FAM163A: variants seen among roughly 807,000 people sequenced by gnomAD.
FAM163A encodes protein FAM163A.
In FAM163A, 7 loss-of-function variants were observed where a neutral mutation model predicts 12.0. The ratio of observed to expected loss-of-function variants is 0.58; its 90% CI spans 0.33 to 1.10. The LOEUF (loss-of-function observed/expected upper bound fraction) is 1.10. Among genes scored for constraint, FAM163A ranks in the 50% least tolerant of loss-of-function variants. The pLI is 0.03. For synonymous variants in FAM163A, 101 were observed against 91.0 expected (o/e 1.11, Z -0.62); for missense variants, 202 against 218.6 (o/e 0.92, Z 0.48).
the FAM163A span, among the ~76,000 whole-genome samples, chr1:179,736,699 A>G: frequency 6.6e-6 from 1 of 152,082 alleles, no homozygotes; most frequent in African/African-American, 2.4e-5. Context: ...AATCCCAGCT[A>G]CTTGGGAGGC....
intron 1 of FAM163A, among the ~76,000 whole-genome samples, chr1:179,761,217 A>G (rs1379419032): frequency 6.6e-6 from 1 of 152,250 alleles, no homozygotes; most frequent in Non-Finnish European, 1.5e-5. Flanking sequence ...AGCTATGCTT[A>G]TCTCCAAGTG....
chr1:179,733,838 A>G, the FAM163A span, among the ~76,000 whole-genome samples: 2 of 152,228 alleles, frequency 1.3e-5, no homozygotes, highest in African/African-American at 2.4e-5. Context: ...AAGGGGTGAC[A>G]TGATGATGCT....
At position 179,814,471 on chromosome 1, in the gene FAM163A, A is replaced by G. The variant is rs1695128721; in HGVS notation, c.*282A>G. ...ACACTCCTCTGGCAGCCCCAGCACC[A>G]CCACAACCCCTTGCAGTGTGCCCCA... On this transcript the variant is annotated 3_prime_UTR_variant, in exon 5 of 5. Coordinates refer to ENST00000341785, the MANE Select transcript of FAM163A (RefSeq NM_173509.3). The G allele has an allele frequency of 2.3e-6, 1 of 439,080 alleles. No homozygotes were observed. Among genetic ancestry groups the G allele is most frequent in the African/African-American group, 2.0e-5 (1 of 49,052 alleles). 27.2% of individuals were successfully genotyped at this position (439,080 alleles called of 1,614,324 possible).
At chr1:179,783,702 G>A (rs1690122197) in intron 1 of FAM163A, among the ~76,000 whole-genome samples, 1 of 112,318 alleles carries the variant, frequency 8.9e-6, no homozygotes, top group Non-Finnish European at 2.0e-5. Flanking sequence ...CACACACTTG[G>A]CACTTTTTTA....
chr1:179,805,373 C>T (rs1400804122), intron 1 of FAM163A, among the ~76,000 whole-genome samples: 1 of 152,010 alleles, frequency 6.6e-6, no homozygotes, highest in African/African-American at 2.4e-5. Flanking sequence ...CAAAAATTAG[C>T]CGGGGGTGGT....
intron 1 of FAM163A, among the ~76,000 whole-genome samples, chr1:179,783,083 C>T (rs894102827): frequency 2.0e-5 from 3 of 150,244 alleles, no homozygotes; most frequent in African/African-American, 4.9e-5. Flanking sequence ...GAGCCGAGAT[C>T]GTGCCATTGC....
At chr1:179,757,238 G>A (rs1465633426) in intron 1 of FAM163A, among the ~76,000 whole-genome samples, 4 of 152,140 alleles carry the variant, frequency 2.6e-5, no homozygotes, top group East Asian at 1.9e-4. Context: ...TCCTTGGACC[G>A]AAAGGTAGAG....
chr1:179,804,296 G>C (rs1693612376), intron 1 of FAM163A, among the ~76,000 whole-genome samples: 2 of 152,164 alleles, frequency 1.3e-5, no homozygotes, highest in African/African-American at 4.8e-5. Context: ...CCCTACTTCA[G>C]GGGACACCCT....
intron 1 of FAM163A, among the ~76,000 whole-genome samples, chr1:179,744,496 C>T (rs570829392): frequency 1.3e-3 from 200 of 152,254 alleles, no homozygotes; most frequent in African/African-American, 4.6e-3. Context: ...TCTGCGGCTC[C>T]GAAGGCCGCG....
intron 1 of FAM163A, among the ~76,000 whole-genome samples, chr1:179,746,752 G>A (rs1684517835): frequency 6.6e-6 from 1 of 152,104 alleles, no homozygotes; most frequent in African/African-American, 2.4e-5. Flanking sequence ...AACATTGTGG[G>A]GTGACGTACC....
intron 1 of FAM163A, among the ~76,000 whole-genome samples, chr1:179,755,546 G>C (rs1294398401): frequency 6.6e-6 from 1 of 152,196 alleles, no homozygotes; most frequent in Non-Finnish European, 1.5e-5. Context: ...GTTGGCAGTG[G>C]GATCGGGGTT....
chr1:179,756,569 G>A (rs753440574), intron 1 of FAM163A, among the ~76,000 whole-genome samples: 20 of 152,288 alleles, frequency 1.3e-4, no homozygotes, highest in Middle Eastern at 3.4e-3. Context: ...TGATTTGGAG[G>A]TTCCTTTGGG....
At chr1:179,768,754 C>T (rs951674792) in intron 1 of FAM163A, among the ~76,000 whole-genome samples, 3 of 151,936 alleles carry the variant, frequency 2.0e-5, no homozygotes, top group Non-Finnish European at 4.4e-5. Flanking sequence ...TACAAGTGCA[C>T]GGCACCATGC....
intron 1 of FAM163A, among the ~76,000 whole-genome samples, chr1:179,778,962 C>T (rs768067274): frequency 7.9e-5 from 12 of 152,094 alleles, no homozygotes; most frequent in Admixed American, 1.3e-4. Flanking sequence ...GGAAGGCTGA[C>T]GCAGCAAGGC....
chr1:179,728,197 A>C, the FAM163A span, among the ~76,000 whole-genome samples: 1 of 152,172 alleles, frequency 6.6e-6, no homozygotes, highest in African/African-American at 2.4e-5. Flanking sequence ...ATGTCCATTC[A>C]AAGTTCATTT....
At chr1:179,811,569 G>A (rs550790901) in intron 2 of FAM163A, among the ~76,000 whole-genome samples, 9 of 152,304 alleles carry the variant, frequency 5.9e-5, no homozygotes, top group African/African-American at 1.9e-4. Flanking sequence ...TGATGCCCAC[G>A]CTGCTGGTCC....
chr1:179,746,646 C>A (rs140715548), intron 1 of FAM163A, among the ~76,000 whole-genome samples: 1 of 152,148 alleles, frequency 6.6e-6, no homozygotes, highest in Non-Finnish European at 1.5e-5. Context: ...CCTTTTGTAC[C>A]TTTTGAATTC....
At chr1:179,809,404 A>C (rs1277333949) in intron 2 of FAM163A, among the ~76,000 whole-genome samples, 1 of 152,188 alleles carries the variant, frequency 6.6e-6, no homozygotes, top group African/African-American at 2.4e-5. Flanking sequence ...GAGACGTGAG[A>C]GGAATGTGAG....
At chr1:179,781,802 C>T (rs1689775098) in intron 1 of FAM163A, among the ~76,000 whole-genome samples, 1 of 151,862 alleles carries the variant, frequency 6.6e-6, no homozygotes, top group Non-Finnish European at 1.5e-5. Context: ...GGCATGGTGG[C>T]GGGTGACTGT....
Sources: gnomAD v4.1 joint callset for allele counts (sites outside exome capture counted in the v4.1 genomes callset) on GRCh38, gnomAD v4.1.1 for gene constraint, MANE v1.5 for transcripts, NCBI Gene and HGNC (gene_info 2026-07-23, HGNC 2026-07-21) for gene names.